Variants in TBL1X observed in about 807,000 individuals in gnomAD.
The protein encoded by TBL1X is F-box-like/WD repeat-containing protein TBL1X.
A neutral mutation model predicts 50.7 loss-of-function variants in TBL1X; 10 were observed. The ratio of observed to expected loss-of-function variants is 0.20; its 90% confidence interval spans 0.12 to 0.33. The LOEUF is 0.33. Among genes scored for constraint, TBL1X ranks in the 10% least tolerant of loss-of-function variants. The probability of loss-of-function intolerance (pLI) is 1.00; values close to 1 mark genes in which losing one functional copy is unlikely to be tolerated. For synonymous variants in TBL1X, 190 were observed against 214.7 expected, an observed-to-expected ratio of 0.88 and a Z score of 1.01; for missense variants, 340 against 504.4, an observed-to-expected ratio of 0.67 and a Z score of 3.12.
intron 2 of TBL1X, among the ~76,000 whole-genome samples, chrX:9,593,257 C>G (rs955373194): frequency 9.1e-6 from 1 of 109,320 alleles, no homozygotes; most frequent in African/African-American, 3.3e-5. Flanking sequence ...CAAAAATTAG[C>G]CAGGTGTGAC....
Position 9,707,836 on chromosome X carries a change from G to A in TBL1X, c.1237-1412G>A, listed in dbSNP as rs141411660. ...TCTCGCAGCAGCCTGCCCCTGGGCC[G>A]CGAAACTTCTTCCTCCTCCCTTTCC... On this transcript the variant is annotated intron_variant, in intron 13 of 17. Coordinates refer to ENST00000645353, the MANE Select transcript of TBL1X (RefSeq NM_005647.4). Among the ~76,000 whole-genome samples the A allele has an allele frequency of 3.7e-3, 420 of 112,011 alleles. 1 individual carries two copies. Among genetic ancestry groups the A allele is most frequent in the Non-Finnish European group, 4.8e-3 (256 of 53,115 alleles).
intron 2 of TBL1X, among the ~76,000 whole-genome samples, chrX:9,589,939 A>G (rs1219135142): frequency 8.9e-6 from 1 of 112,024 alleles, no homozygotes; most frequent in African/African-American, 3.2e-5. Context: ...ACCCTGTGAT[A>G]ATCTGAGAAG....
At chrX:9,600,494 G>A (rs1413793799) in intron 2 of TBL1X, among the ~76,000 whole-genome samples, 4 of 101,419 alleles carry the variant, frequency 3.9e-5, no homozygotes, top group East Asian at 6.0e-4. Flanking sequence ...ACAAATGTCC[G>A]GACCATAGAA....
At chrX:9,629,510 A>G (rs372123891) in intron 2 of TBL1X, among the ~76,000 whole-genome samples, 2 of 112,306 alleles carry the variant, frequency 1.8e-5, no homozygotes, top group East Asian at 5.6e-4. Context: ...ATAGCCAAAC[A>G]AGACAAATTA....
intron 13 of TBL1X, among the ~76,000 whole-genome samples, chrX:9,705,740 A>G (rs753318534): frequency 4.4e-4 from 48 of 109,885 alleles, no homozygotes; most frequent in African/African-American, 1.2e-3. Context: ...AAAAAAAAAA[A>G]AAAGAAAAGA....
intron 5 of TBL1X, among the ~76,000 whole-genome samples, chrX:9,671,175 T>C (rs2082958343): frequency 8.9e-6 from 1 of 111,772 alleles, no homozygotes; most frequent in Admixed American, 9.5e-5. Flanking sequence ...TTACGGTTTA[T>C]TACAGTGAAA....
intron 2 of TBL1X, among the ~76,000 whole-genome samples, chrX:9,627,499 T>G (rs2082698574): frequency 8.9e-6 from 1 of 112,093 alleles, no homozygotes; most frequent in South Asian, 3.7e-4. Flanking sequence ...AAAAATTAAT[T>G]GAAGGCAGTT....
chrX:9,678,031 T>A (rs771817446), intron 5 of TBL1X, among the ~76,000 whole-genome samples: 3 of 112,108 alleles, frequency 2.7e-5, no homozygotes, highest in Non-Finnish European at 5.6e-5. Context: ...CTTCCTTCTT[T>A]CTTCTCTTCT....
intron 2 of TBL1X, among the ~76,000 whole-genome samples, chrX:9,570,288 C>T (rs2147009416): frequency 1.8e-5 from 2 of 112,021 alleles, no homozygotes; most frequent in Non-Finnish European, 3.8e-5. Flanking sequence ...GCTGCGAAGT[C>T]TCTGTGCATT....
intron 2 of TBL1X, among the ~76,000 whole-genome samples, chrX:9,517,644 C>T (rs1569213059): frequency 8.9e-6 from 1 of 111,993 alleles, no homozygotes; most frequent in Non-Finnish European, 1.9e-5. Context: ...GATTTTAAAG[C>T]CGTGTGCTTT....
At chrX:9,529,285 G>GC (rs1447357978) in intron 2 of TBL1X, among the ~76,000 whole-genome samples, 1 of 110,477 alleles carries the variant, frequency 9.1e-6, no homozygotes, top group African/African-American at 3.3e-5. Context: ...AGATGGCATG[G>GC]CCCTCAAGGT....
rs760860967 is a variant in TBL1X, at chrX:9,554,014, G to A, written c.-131+52165G>A. 4.5e-5 allele frequency among the ~76,000 whole-genome samples: 5 copies of A among 111,195 alleles called. No individual in the cohort carries two copies. The South Asian group carries it at 1.5e-3, about 34-fold the overall frequency. Reference sequence around the variant, plus strand: ...TCCCACCTCAGCCTCCTGAGTAGCCGTGACTACAGGTGTGCACCTCCACAT... The same window carrying A: ...TCCCACCTCAGCCTCCTGAGTAGCCATGACTACAGGTGTGCACCTCCACAT... On this transcript the variant is annotated intron_variant, in intron 2 of 17. Transcript: ENST00000645353.
chrX:9,648,282 AAGT>A (rs1424599851), intron 3 of TBL1X, among the ~76,000 whole-genome samples: 1 of 112,281 alleles, frequency 8.9e-6, no homozygotes, highest in Non-Finnish European at 1.9e-5. Context: ...TTGCAATAAA[AAGT>A]AGTAATTGTA....
intron 2 of TBL1X, among the ~76,000 whole-genome samples, chrX:9,606,355 C>A (rs1457875054): frequency 8.9e-6 from 1 of 112,019 alleles, no homozygotes; most frequent in Non-Finnish European, 1.9e-5. Context: ...AATCGTCTAT[C>A]AGAAAATTCT....
chrX:9,506,809 A>C (rs1004297014), intron 2 of TBL1X, among the ~76,000 whole-genome samples: 3 of 112,196 alleles, frequency 2.7e-5, no homozygotes, highest in African/African-American at 9.7e-5. Context: ...AGCAACCAAA[A>C]AAAGCCCAGG....
intron 2 of TBL1X, among the ~76,000 whole-genome samples, chrX:9,600,469 CGG>C (rs1236527927): frequency 1.8e-4 from 2 of 11,294 alleles, no homozygotes; most frequent in Non-Finnish European, 3.0e-4. Flanking sequence ...ATTTGGTGGG[CGG>C]GGGGGGGGGT....
intron 2 of TBL1X, among the ~76,000 whole-genome samples, chrX:9,601,103 A>G (rs2082554262): frequency 9.0e-6 from 1 of 111,701 alleles, no homozygotes; most frequent in South Asian, 3.7e-4. Flanking sequence ...TAGTGAACAA[A>G]TCAGTGCACA....
intron 12 of TBL1X, among the ~76,000 whole-genome samples, chrX:9,702,266 T>C (rs1272787875): frequency 9.3e-6 from 1 of 107,116 alleles, no homozygotes; most frequent in South Asian, 4.2e-4. Flanking sequence ...CAAAACCCCA[T>C]CTCTGCCAAA....
chrX:9,473,535 C>CG (rs1475577552), intron 1 of TBL1X, among the ~76,000 whole-genome samples: 3 of 111,432 alleles, frequency 2.7e-5, no homozygotes, highest in Non-Finnish European at 3.8e-5. Context: ...GCATGATAGG[C>CG]GGTGGGTTCA....
Sources: allele counts gnomAD v4.1 joint callset (sites outside exome capture counted in the v4.1 genomes callset), GRCh38; gene constraint gnomAD v4.1.1; transcripts MANE v1.5; gene names NCBI Gene and HGNC (gene_info 2026-07-23, HGNC 2026-07-21).